EMCN: variants seen among roughly 807,000 people sequenced by gnomAD.
The protein encoded by EMCN is endomucin, also known as MUC-14.
EMCN carries 37 observed loss-of-function variants against 38.4 expected under a neutral mutation model. That is an observed-to-expected ratio of 0.96 (90% CI 0.74 to 1.27). The LOEUF is 1.27. EMCN is among the 50% of genes most tolerant of loss of function. The pLI, the probability that EMCN is intolerant of heterozygous loss-of-function variation, is 0.00. For missense variants in EMCN, 318 were observed against 302.8 expected (o/e 1.05, Z -0.37); for synonymous variants, 95 against 100.8 (o/e 0.94, Z 0.35).
chr4:100,418,581 T>A (rs1187144902), intron 8 of EMCN, among the ~76,000 whole-genome samples: 1 of 152,026 alleles, frequency 6.6e-6, no homozygotes, highest in Non-Finnish European at 1.5e-5. Context: ...CCTTCTACTC[T>A]CTAGCTCCAT....
At chr4:100,487,045 A>C in intron 1 of EMCN, 1 of 983,340 alleles carries the variant, frequency 1.0e-6, no homozygotes, top group Non-Finnish European at 1.2e-6. Flanking sequence ...TAAAAAAGGC[A>C]AAGGTTACAT....
At chr4:100,424,661 C>G (rs1476098552) in intron 5 of EMCN, among the ~76,000 whole-genome samples, 1 of 151,870 alleles carries the variant, frequency 6.6e-6, no homozygotes. Flanking sequence ...CCCATAAGAA[C>G]AAAGAAAAAT....
At chr4:100,512,622 T>C (rs577212229) in intron 1 of EMCN, among the ~76,000 whole-genome samples, 2 of 152,118 alleles carry the variant, frequency 1.3e-5, no homozygotes, top group African/African-American at 4.8e-5. Context: ...CTGGCCAGCA[T>C]GGTAAAACCC....
rs370195472 is a variant in EMCN, at chr4:100,517,880, A to G, written c.35T>C (p.Leu12Pro). The change falls in exon 1 of 12, where the codon CTG becomes CCG. Residue 12 changes from leucine (L) to proline (P), a missense_variant. Transcript: ENST00000296420. Reference protein sequence around the residue: ...ELLQVTILFLLPSICSSNSTG... With the variant: ...ELLQVTILFLPPSICSSNSTG... ...GCTGTTACTGCTGCAAATACTGGGCAGAAGAAAAAGAATGGTCACTTGAAG... is the reference window on the plus strand; with the variant it reads ...GCTGTTACTGCTGCAAATACTGGGCGGAAGAAAAAGAATGGTCACTTGAAG... The G allele has an allele frequency of 6.2e-7, 1 of 1,612,852 alleles. No homozygotes were observed. Among genetic ancestry groups the G allele is most frequent in the East Asian group, 2.2e-5 (1 of 44,854 alleles).
intron 3 of EMCN, among the ~76,000 whole-genome samples, chr4:100,467,058 A>G (rs1728336360): frequency 6.6e-6 from 1 of 152,164 alleles, no homozygotes; most frequent in Non-Finnish European, 1.5e-5. Flanking sequence ...GAGAAAAATA[A>G]TGGAATAGCT....
chr4:100,489,446 CAT>C (rs2110290502), intron 1 of EMCN, among the ~76,000 whole-genome samples: 1 of 152,252 alleles, frequency 6.6e-6, no homozygotes, highest in Admixed American at 6.5e-5. Context: ...TCATGTGACA[CAT>C]AACACCATTT....
intron 1 of EMCN, among the ~76,000 whole-genome samples, chr4:100,498,987 T>C (rs887778374): frequency 6.6e-6 from 1 of 152,188 alleles, no homozygotes; most frequent in African/African-American, 2.4e-5. Flanking sequence ...TTAAAAAATA[T>C]CCTCAAGTGT....
intron 5 of EMCN, among the ~76,000 whole-genome samples, chr4:100,435,677 T>C (rs942788900): frequency 6.6e-6 from 1 of 151,848 alleles, no homozygotes; most frequent in African/African-American, 2.4e-5. Flanking sequence ...TACAAAAACA[T>C]GCACATAGAC....
At chr4:100,423,992 C>T (rs1001358475) in intron 5 of EMCN, among the ~76,000 whole-genome samples, 1 of 151,702 alleles carries the variant, frequency 6.6e-6, no homozygotes. Context: ...TTTTTTTTCA[C>T]TAGCATCCGT....
Position 100,517,854 on chromosome 4 carries a change from T to C in EMCN, c.61A>G (p.Thr21Ala), listed in dbSNP as rs776442854. 1.2e-6 allele frequency: 2 copies of C among 1,612,616 alleles called. No homozygotes were observed. Among genetic ancestry groups the C allele is most frequent in the Admixed American group, 1.7e-5 (1 of 59,956 alleles). ...LLPSICSSNS[T>A]GVLEAANNSL... Reference sequence around the variant, plus strand: ...GAGGAATAAGAGACAAAAATACCTGTGCTGTTACTGCTGCAAATACTGGGC... The same window carrying C: ...GAGGAATAAGAGACAAAAATACCTGCGCTGTTACTGCTGCAAATACTGGGC... Residue 21 changes from threonine to alanine, a missense_variant, in exon 1 of 12, where the codon ACA becomes GCA. Coordinates refer to ENST00000296420, the MANE Select transcript of EMCN (RefSeq NM_016242.4).
chr4:100,398,329 C>G lies in EMCN; in HGVS notation c.*84G>C, dbSNP rs1251192467. On this transcript the variant is annotated 3_prime_UTR_variant, in exon 12 of 12. Coordinates refer to ENST00000296420, the MANE Select transcript of EMCN (RefSeq NM_016242.4). ...GGAAGTCGGGATTGATTCTGCAGGA[C>G]TTTCTCCTTTTCCACGCTTGGTGCA... is the stretch of plus-strand genomic sequence containing the variant. The G allele has an allele frequency of 1.3e-5, 2 of 152,150 alleles. No individual in the cohort carries two copies. The highest frequency in any genetic ancestry group is 2.9e-5 in the Non-Finnish European group (2 of 68,060). 9.4% of individuals were successfully genotyped at this position (152,150 alleles called of 1,614,324 possible).
chr4:100,448,822 T>TCCTC (rs148189167), intron 4 of EMCN, among the ~76,000 whole-genome samples: 7 of 129,464 alleles, frequency 5.4e-5, no homozygotes, highest in Middle Eastern at 3.8e-3. Context: ...CTTCCTTCCT[T>TCCTC]CCTCCCTCCC....
intron 11 of EMCN, among the ~76,000 whole-genome samples, chr4:100,403,442 C>T (rs1052541038): frequency 7.4e-6 from 1 of 135,520 alleles, no homozygotes; most frequent in Non-Finnish European, 1.6e-5. Context: ...TCTAGTCCAC[C>T]ACTGATGGGC....
intron 5 of EMCN, among the ~76,000 whole-genome samples, chr4:100,429,872 A>G (rs544921699): frequency 6.6e-6 from 1 of 152,238 alleles, no homozygotes; most frequent in Admixed American, 6.6e-5. Flanking sequence ...ATAAGGTAAT[A>G]TATTTAACAG....
intron 3 of EMCN, among the ~76,000 whole-genome samples, chr4:100,469,592 G>C: frequency 1.6e-5 from 1 of 61,886 alleles, no homozygotes; most frequent in African/African-American, 3.2e-5. Flanking sequence ...TTAATCTATC[G>C]AGTTAATTTT....
intron 1 of EMCN, among the ~76,000 whole-genome samples, chr4:100,511,457 A>G (rs2110311203): frequency 6.6e-6 from 1 of 152,320 alleles, no homozygotes; most frequent in East Asian, 1.9e-4. Flanking sequence ...TGACTGATTC[A>G]ATGGATTTAA....
intron 1 of EMCN, among the ~76,000 whole-genome samples, chr4:100,503,909 A>G (rs1335903603): frequency 6.6e-6 from 1 of 152,254 alleles, no homozygotes; most frequent in Non-Finnish European, 1.5e-5. Context: ...GCAAGATATC[A>G]AGCACAATAT....
intron 3 of EMCN, among the ~76,000 whole-genome samples, chr4:100,472,079 G>A (rs1021504954): frequency 6.6e-6 from 1 of 151,654 alleles, no homozygotes; most frequent in African/African-American, 2.4e-5. Context: ...TGCTAGCCAG[G>A]GTAGTTAAGC....
chr4:100,467,353 G>T (rs941110232), intron 3 of EMCN, among the ~76,000 whole-genome samples: 1 of 152,148 alleles, frequency 6.6e-6, no homozygotes, highest in Non-Finnish European at 1.5e-5. Flanking sequence ...CAGGAGAGAA[G>T]AATCTATGCA....
Sources: gnomAD v4.1 joint callset for allele counts (sites outside exome capture counted in the v4.1 genomes callset) on GRCh38, gnomAD v4.1.1 for gene constraint, MANE v1.5 for transcripts, NCBI Gene and HGNC (gene_info 2026-07-23, HGNC 2026-07-21) for gene names.